The following TFEC variants were observed in gnomAD, a reference collection of about 807,000 sequenced individuals.
TFEC encodes class E basic helix-loop-helix protein 34.
TFEC carries 31 observed loss-of-function variants against 41.6 expected under a neutral mutation model. That is an observed-to-expected ratio of 0.74 (90% CI 0.56 to 1.01). TFEC has a LOEUF of 1.01. Ranked by LOEUF, TFEC falls within the 50% of genes least tolerant of loss-of-function variation. TFEC has a pLI of 0.00. For missense variants in TFEC, 402 were observed against 404.1 expected (o/e 0.99, Z 0.04); for synonymous variants, 143 against 140.6 (o/e 1.02, Z -0.12).
chr7:116,034,618 C>T (rs1348216245), upstream of TFEC, among the ~76,000 whole-genome samples: 3 of 151,734 alleles, frequency 2.0e-5, no homozygotes, highest in East Asian at 1.9e-4. Context: ...CCTGGATTGC[C>T]GCAAAGACCT....
chr7:116,054,834 A>G (rs1796391157), intron 3 of TFEC, among the ~76,000 whole-genome samples: 1 of 152,112 alleles, frequency 6.6e-6, no homozygotes, highest in South Asian at 2.1e-4. Context: ...CTGAACTCCT[A>G]AACTGGATAA....
chr7:116,082,772 G>T (rs1359905633), intron 3 of TFEC, among the ~76,000 whole-genome samples: 15 of 151,912 alleles, frequency 9.9e-5, no homozygotes, highest in Non-Finnish European at 1.6e-4. Context: ...ACATATGTAT[G>T]TATAGCACCT....
intron 7 of TFEC, 71 bp downstream of exon 7, chr7:115,941,822 C>G: frequency 6.9e-7 from 1 of 1,458,408 alleles, no homozygotes; most frequent in South Asian, 1.6e-5. Flanking sequence ...TAAATGAGAC[C>G]AATGAAGAAA....
At chr7:115,956,869 T>C (rs1792263842) in intron 3 of TFEC, 76 bp from the exon 4 acceptor site, 1 of 847,632 alleles carries the variant, frequency 1.2e-6, no homozygotes, top group South Asian at 3.4e-5. Context: ...ATATATTACA[T>C]TTTCCACTTT....
At chr7:116,147,220 A>C (rs1430371853) in intron 1 of TFEC, among the ~76,000 whole-genome samples, 3 of 152,214 alleles carry the variant, frequency 2.0e-5, no homozygotes, top group Non-Finnish European at 4.4e-5. Context: ...ATATGATGAA[A>C]GATGTTAATC....
At chr7:116,075,147 T>A (rs2131035828) in intron 3 of TFEC, among the ~76,000 whole-genome samples, 1 of 152,310 alleles carries the variant, frequency 6.6e-6, no homozygotes. Flanking sequence ...TCTGTAAATA[T>A]ACTAAAAAAC....
At chr7:115,978,468 C>A (rs1233051103) in intron 2 of TFEC, among the ~76,000 whole-genome samples, 2 of 152,136 alleles carry the variant, frequency 1.3e-5, no homozygotes, top group Non-Finnish European at 2.9e-5. Flanking sequence ...TCATCAAATG[C>A]AGCCTTTGTT....
At position 116,079,561 on chromosome 7, in the gene TFEC, T is replaced by C. The variant is rs374824015; in HGVS notation, c.198+31147A>G. Among the ~76,000 whole-genome samples, 25 of 152,004 alleles carry C rather than the reference T, an allele frequency of 1.6e-4. 1 individual carries two copies. The East Asian group carries it at 2.3e-3, about 14-fold the overall frequency. ...GTGACCAAGCTGAGAATCAAATCAA[T>C]AACTCAACCCCTTTTATAACAGCTG... On this transcript the variant is annotated intron_variant, in intron 3 of 8. Transcript: ENST00000484212.
At chr7:115,984,769 A>G (rs556414577) in intron 1 of TFEC, among the ~76,000 whole-genome samples, 1 of 152,322 alleles carries the variant, frequency 6.6e-6, no homozygotes, top group East Asian at 1.9e-4. Flanking sequence ...AAAATTAGGA[A>G]TAAATATAAA....
At chr7:116,092,664 G>C (rs754448481) in intron 3 of TFEC, among the ~76,000 whole-genome samples, 3 of 152,092 alleles carry the variant, frequency 2.0e-5, no homozygotes, top group Non-Finnish European at 2.9e-5. Flanking sequence ...ATGGTTAAAG[G>C]AGATGCTCAC....
intron 2 of TFEC, among the ~76,000 whole-genome samples, chr7:115,982,272 C>T (rs1273235492): frequency 6.6e-6 from 1 of 151,860 alleles, no homozygotes; most frequent in Non-Finnish European, 1.5e-5. Flanking sequence ...CCACTCTGCC[C>T]TTGTGTTAAA....
intron 1 of TFEC, among the ~76,000 whole-genome samples, chr7:115,985,172 A>T (rs1793796809): frequency 6.6e-6 from 1 of 152,090 alleles, no homozygotes; most frequent in East Asian, 1.9e-4. Context: ...ACTTGACAGG[A>T]GCATTCAGAA....
intron 3 of TFEC, among the ~76,000 whole-genome samples, chr7:116,047,335 G>A (rs1001922603): frequency 1.3e-5 from 2 of 152,104 alleles, no homozygotes; most frequent in South Asian, 2.1e-4. Context: ...CTTAGCAAAC[G>A]GCACACCAGG....
chr7:116,119,673 A>T (rs1014087728), intron 1 of TFEC, among the ~76,000 whole-genome samples: 68 of 151,860 alleles, frequency 4.5e-4, no homozygotes, highest in African/African-American at 1.6e-3. Context: ...CTATTCACCG[A>T]TAATATAAAT....
chr7:116,113,021 A>G (rs1797891576), intron 1 of TFEC, among the ~76,000 whole-genome samples: 1 of 152,036 alleles, frequency 6.6e-6, no homozygotes, highest in Non-Finnish European at 1.5e-5. Flanking sequence ...AATAAAGTGG[A>G]ATTCACTAGG....
rs2130626432 is a variant in TFEC, at chr7:115,977,416, TAAC to T, written c.181-3163_181-3161del. Among the ~76,000 whole-genome samples, 2 of 152,166 alleles carry T rather than the reference TAAC, an allele frequency of 1.3e-5. 1 individual carries two copies. The highest frequency in any genetic ancestry group is 4.8e-5 in the African/African-American group (2 of 41,576). On this transcript the variant is annotated intron_variant, in intron 2 of 7. Coordinates refer to ENST00000265440, the MANE Select transcript of TFEC (RefSeq NM_012252.4). ...AGGTTTACAAAAGAACAAAACTTTT[TAAC>T]AACACTGAGTGCAAGAAGAAAATGG...
chr7:115,957,248 C>T (rs1299332783), intron 3 of TFEC, among the ~76,000 whole-genome samples: 3 of 151,938 alleles, frequency 2.0e-5, no homozygotes, highest in South Asian at 4.1e-4. Context: ...ATCAGTGCTA[C>T]CAGCAACTCA....
At chr7:116,136,342 G>T (rs1238812855) in intron 1 of TFEC, among the ~76,000 whole-genome samples, 1 of 151,744 alleles carries the variant, frequency 6.6e-6, no homozygotes, top group African/African-American at 2.4e-5. Flanking sequence ...ACTCAAATAC[G>T]CATATCTGCT....
chr7:116,087,982 T>A (rs1265314897), intron 3 of TFEC, among the ~76,000 whole-genome samples: 1 of 152,128 alleles, frequency 6.6e-6, no homozygotes, highest in Non-Finnish European at 1.5e-5. Context: ...CAGAAAATAC[T>A]TGTTATCACA....
Sources: allele counts gnomAD v4.1 joint callset (sites outside exome capture counted in the v4.1 genomes callset), GRCh38; gene constraint gnomAD v4.1.1; transcripts MANE v1.5; gene names NCBI Gene and HGNC (gene_info 2026-07-23, HGNC 2026-07-21).